The following THADA variants were observed in gnomAD, a reference collection of about 807,000 sequenced individuals.
THADA encodes THADA armadillo repeat containing.
In THADA, 213 loss-of-function variants were observed where a neutral mutation model predicts 219.8. The ratio of observed to expected loss-of-function variants is 0.97; its 90% CI spans 0.87 to 1.09. The LOEUF (loss-of-function observed/expected upper bound fraction) is 1.09, where lower values mean the gene tolerates loss of function less well. Among genes scored for constraint, THADA ranks in the 50% least tolerant of loss-of-function variants. The probability of loss-of-function intolerance (pLI) is 0.00; values close to 1 mark genes in which losing one functional copy is unlikely to be tolerated. For missense variants in THADA, 2,956 were observed against 2,311.3 expected (o/e 1.28, Z -5.72); for synonymous variants, 1,018 against 828.9 (o/e 1.23, Z -3.92).
At position 43,320,493 on chromosome 2, in the gene THADA, A is replaced by G; in HGVS notation, c.4391T>C (p.Phe1464Ser). ...VTRAVYIDIL[F>S]LLTCCLNRSA... ...TCTGTTGAGGCAGCAAGTCAATAGGAAGAGAATATCAATATATACAGCTCT... is the reference window on the plus strand; with the variant it reads ...TCTGTTGAGGCAGCAAGTCAATAGGGAGAGAATATCAATATATACAGCTCT... The change falls in exon 31 of 38, where the codon TTC becomes TCC. Residue 1464 changes from phenylalanine to serine, a missense_variant. By Grantham distance (155) the Phe-to-Ser change is radical. Coordinates refer to ENST00000405975, the MANE Select transcript of THADA (RefSeq NM_022065.5). The G allele has an allele frequency of 6.2e-7, 1 of 1,613,776 alleles. No homozygotes were observed. The highest frequency in any genetic ancestry group is 8.5e-7 in the Non-Finnish European group (1 of 1,179,756).
intron 1 of THADA, among the ~76,000 whole-genome samples, chr2:43,593,261 C>A (rs1313217224): frequency 6.6e-6 from 1 of 152,062 alleles, no homozygotes; most frequent in Non-Finnish European, 1.5e-5. Flanking sequence ...ATACAAAGGG[C>A]TGCATTTAGT....
chr2:43,408,713 C>G (rs1675905655), intron 28 of THADA, among the ~76,000 whole-genome samples: 1 of 152,174 alleles, frequency 6.6e-6, no homozygotes, highest in Non-Finnish European at 1.5e-5. Flanking sequence ...TAAATGATCT[C>G]CAAAGTCCCC....
In THADA at chr2:43,293,147, C is replaced by T. The variant is rs1246272975; in HGVS notation, c.4505G>A (p.Gly1502Glu). Reference protein sequence around the residue: ...GIISGSELITGFPWAFKVPGL... With the variant: ...GIISGSELITEFPWAFKVPGL... ...TGGCACCTTGAAGGCCCAAGGGAAT[C>T]CCGTTATCAGCTCTGATCCTGAGAT... Residue 1502 changes from glycine to glutamate, a missense_variant, in exon 32 of 38, where the codon GGA (glycine) becomes GAA (glutamate). Coordinates refer to ENST00000405975, the MANE Select transcript of THADA (RefSeq NM_022065.5). 1 of 1,613,972 alleles carries T rather than the reference C, an allele frequency of 6.2e-7. No individual in the cohort carries two copies. Among genetic ancestry groups the T allele is most frequent in the Non-Finnish European group, 8.5e-7 (1 of 1,179,896 alleles).
chr2:43,406,975 C>G (rs1675619385), intron 28 of THADA, among the ~76,000 whole-genome samples: 1 of 152,176 alleles, frequency 6.6e-6, no homozygotes, highest in Non-Finnish European at 1.5e-5. Flanking sequence ...CACAAACAAC[C>G]AAGAAATGAG....
intron 29 of THADA, among the ~76,000 whole-genome samples, chr2:43,384,234 T>C (rs996294090): frequency 1.3e-5 from 2 of 152,188 alleles, no homozygotes; most frequent in African/African-American, 2.4e-5. Flanking sequence ...TTTTCCAGAA[T>C]AGAAGAAGTG....
chr2:43,437,921 T>A (rs1362242233), intron 26 of THADA, among the ~76,000 whole-genome samples: 2 of 151,842 alleles, frequency 1.3e-5, no homozygotes, highest in East Asian at 1.9e-4. Context: ...AAAGGACAAA[T>A]AATATAAAAA....
chr2:43,482,385 G>A (rs1423977117), intron 26 of THADA, among the ~76,000 whole-genome samples: 1 of 152,090 alleles, frequency 6.6e-6, no homozygotes, highest in Non-Finnish European at 1.5e-5. Context: ...CTATGCGACA[G>A]GGACTGTTCT....
chr2:43,404,375 CTTTTTTTT>C (rs905817751), intron 28 of THADA, among the ~76,000 whole-genome samples: 1 of 130,920 alleles, frequency 7.6e-6, no homozygotes, highest in African/African-American at 2.8e-5. Context: ...TTTTTCTTTT[CTTTTTTTT>C]TTTTTTTTTT....
chr2:43,239,513 G>T (rs1368103753), intron 36 of THADA, among the ~76,000 whole-genome samples: 4 of 152,232 alleles, frequency 2.6e-5, no homozygotes, highest in Non-Finnish European at 5.9e-5. Context: ...AGACTTTGAG[G>T]TTGCTTTCAA....
intron 16 of THADA, among the ~76,000 whole-genome samples, chr2:43,558,954 G>A (rs368390021): frequency 2.0e-5 from 3 of 150,114 alleles, no homozygotes; most frequent in South Asian, 2.1e-4. Context: ...TACCAAGCAC[G>A]GGTTTATCAA....
chr2:43,294,141 C>A (rs1247001577), intron 31 of THADA, among the ~76,000 whole-genome samples: 3 of 152,118 alleles, frequency 2.0e-5, no homozygotes, highest in Admixed American at 6.5e-5. Context: ...TAAATTTTAT[C>A]CTCCTGTTAA....
intron 36 of THADA, among the ~76,000 whole-genome samples, chr2:43,261,520 G>A (rs1282926712): frequency 1.3e-5 from 2 of 151,958 alleles, no homozygotes; most frequent in Non-Finnish European, 2.9e-5. Flanking sequence ...GACTGCAATG[G>A]CACGATCTTG....
At chr2:43,387,878 C>T (rs1454515600) in intron 29 of THADA, among the ~76,000 whole-genome samples, 2 of 152,162 alleles carry the variant, frequency 1.3e-5, no homozygotes, top group Admixed American at 1.3e-4. Flanking sequence ...TCATGAACAA[C>T]AATATGGTCT....
intron 30 of THADA, among the ~76,000 whole-genome samples, chr2:43,320,890 T>C (rs1678629370): frequency 6.6e-6 from 1 of 152,216 alleles, no homozygotes; most frequent in Non-Finnish European, 1.5e-5. Context: ...TCTATTATTC[T>C]ACATTTTTAA....
chr2:43,357,461 G>C (rs191648267), intron 29 of THADA, among the ~76,000 whole-genome samples: 4 of 152,096 alleles, frequency 2.6e-5, no homozygotes, highest in Non-Finnish European at 4.4e-5. Context: ...TTGAAAGTCC[G>C]GCATTTGCTA....
In THADA at chr2:43,359,932, C is replaced by CT. The variant is rs981999906; in HGVS notation, c.4228-15696dup. Among the ~76,000 whole-genome samples the CT allele has an allele frequency of 2.5e-3, 356 of 143,540 alleles. 5 individuals carry two copies. Among genetic ancestry groups the CT allele is most frequent in the Middle Eastern group, 7.2e-3 (2 of 276 alleles). 94.2% of individuals were successfully genotyped at this position (143,540 alleles called of 152,430 possible). ...TGCTACTGGCCCCAGCTCCAACGGG[C>CT]TTTTTTTTTTTTCTATTATTAGATA... On this transcript the variant is annotated intron_variant, in intron 29 of 37. Transcript: ENST00000405975.
intron 36 of THADA, among the ~76,000 whole-genome samples, chr2:43,259,377 C>G (rs1282701921): frequency 6.6e-6 from 1 of 152,232 alleles, no homozygotes; most frequent in Non-Finnish European, 1.5e-5. Flanking sequence ...CAACCATTGG[C>G]TACAACTGAG....
chr2:43,459,241 A>C (rs1238952028), intron 26 of THADA, among the ~76,000 whole-genome samples: 1 of 152,114 alleles, frequency 6.6e-6, no homozygotes, highest in Non-Finnish European at 1.5e-5. Context: ...GCACGGGAGC[A>C]GTCACCCTCA....
At chr2:43,259,287 G>A (rs1194909207) in intron 36 of THADA, among the ~76,000 whole-genome samples, 2 of 152,220 alleles carry the variant, frequency 1.3e-5, no homozygotes, top group African/African-American at 4.8e-5. Flanking sequence ...GACTACTCAA[G>A]ACTACTAAAT....
Sources: gnomAD v4.1 joint callset for allele counts (sites outside exome capture counted in the v4.1 genomes callset) on GRCh38, gnomAD v4.1.1 for gene constraint, MANE v1.5 for transcripts, NCBI Gene and HGNC (gene_info 2026-07-23, HGNC 2026-07-21) for gene names.